Variants in TPM4 observed in about 807,000 individuals in gnomAD.
The protein encoded by TPM4 is tropomyosin 4.
Under a neutral mutation model 35.8 loss-of-function variants are expected in TPM4, and 17 were observed. The observed-to-expected ratio is 0.47, with a 90% CI of 0.32 to 0.71. The LOEUF is 0.71. Ranked by LOEUF, TPM4 falls within the 30% of genes least tolerant of loss-of-function variation. TPM4 has a pLI of 0.03. For synonymous variants in TPM4, 120 were observed against 122.9 expected (o/e 0.98, Z 0.15); for missense variants, 240 against 320.9 (o/e 0.75, Z 1.93).
At chr19:16,095,171 C>A in intron 7 of TPM4, 2 of 825,988 alleles carry the variant, frequency 2.4e-6, no homozygotes, top group Non-Finnish European at 3.0e-6. Flanking sequence ...TTTTTTTCTT[C>A]CTCTTGTGGT....
rs1455910163 is a variant in TPM4 at position 16,070,536 on chromosome 19, T to C, written c.114+2798T>C. ...AAAGGCGAAAGCTCGGAGCTCAGAC[T>C]GGCCATGTTTGAGTCATGGCTCAGT... On this transcript the variant is annotated intron_variant, in intron 2 of 2. Coordinates refer to the TPM4 transcript ENST00000589897. This position sits in a 1 kb window ranked among gnomAD's most constrained non-coding sequence, Gnocchi z 7.4. 2.6e-5 allele frequency among the ~76,000 whole-genome samples: 4 copies of C among 152,126 alleles called. No homozygotes were observed. Among genetic ancestry groups the C allele is most frequent in the Admixed American group, 6.5e-5 (1 of 15,288 alleles).
In TPM4 at chr19:16,070,141, C is replaced by T. The variant is rs1187139968; in HGVS notation, c.114+2403C>T. 4.6e-5 allele frequency among the ~76,000 whole-genome samples: 7 copies of T among 152,054 alleles called. No individual in the cohort carries two copies. Among genetic ancestry groups the T allele is most frequent in the South Asian group, 2.1e-4 (1 of 4,834 alleles). On this transcript the variant is annotated intron_variant, in intron 2 of 2. Transcript: ENST00000589897. This position sits in a 1 kb window ranked among gnomAD's most constrained non-coding sequence, Gnocchi z 7.4. ...GTGTCCCTGCTAAAAGCCTGGAGGC[C>T]GGGGCAGGTGGGCTGCCCGTGGTGG...
intron 2 of TPM4, among the ~76,000 whole-genome samples, chr19:16,071,092 G>T (rs1395443145): frequency 6.6e-6 from 1 of 152,238 alleles, no homozygotes; most frequent in Admixed American, 6.5e-5. Context: ...GTCCCACAAA[G>T]ATGCCCACTG....
In TPM4 at chr19:16,076,620, C is replaced by T; in HGVS notation, c.55C>T (p.Gln19Ter). 6.8e-7 allele frequency: 1 copy of T among 1,463,004 alleles called. No homozygotes were observed. The allele number at this position is 1,463,004 out of a possible 1,614,324, so 90.6% of individuals were successfully genotyped here. ...AVKRKIQALQQQADEAEDRAQ... is the reference protein window; with the variant it reads ...AVKRKIQALQ ...GAAACGCAAGATCCAGGCCCTGCAG[C>T]AGCAGGCGGACGAGGCGGAAGACCG... Residue 19 changes from glutamine to a stop codon, truncating the protein, a stop_gained, in exon 1 of 8, where the codon CAG (glutamine) becomes TAG (stop). Coordinates refer to ENST00000643579, the MANE Select transcript of TPM4 (RefSeq NM_003290.3). LOFTEE classifies it high-confidence loss of function.
In TPM4 at chr19:16,082,047, G is replaced by A; in HGVS notation, c.266+1G>A. 6.6e-7 allele frequency: 1 copy of A among 1,514,472 alleles called. No homozygotes were observed. Among genetic ancestry groups the A allele is most frequent in the Non-Finnish European group, 9.1e-7 (1 of 1,093,348 alleles). The allele number at this position is 1,514,472 out of a possible 1,614,324, so 93.8% of individuals were successfully genotyped here. A position where few individuals can be genotyped will look rare whatever the true frequency, so the allele number is the denominator to read the frequency against. Reference sequence around the variant, plus strand: ...AAAAAGCTGCAGATGAGAGTGAGAGGTAAGGACGCTTTGAATCTGGTGGCA... The same window carrying A: ...AAAAAGCTGCAGATGAGAGTGAGAGATAAGGACGCTTTGAATCTGGTGGCA... On this transcript the variant is annotated splice_donor_variant, in intron 2 of 7. Transcript: ENST00000643579. LOFTEE classifies it high-confidence loss of function.
chr19:16,074,119 C>T (rs1463235615), upstream of TPM4, among the ~76,000 whole-genome samples: 1 of 151,526 alleles, frequency 6.6e-6, no homozygotes, highest in African/African-American at 2.4e-5. Context: ...GGATTCAGAG[C>T]TCAGTCTAGA....
rs2090344283 is a variant in TPM4, at chr19:16,070,303, G to A, written c.114+2565G>A. 6.6e-6 allele frequency among the ~76,000 whole-genome samples: 1 copy of A among 152,166 alleles called. No individual in the cohort carries two copies. The highest frequency in any genetic ancestry group is 2.4e-5 in the African/African-American group (1 of 41,422). ...TCCAAGGCCGTGGCCATGGTTTGGG[G>A]CAGAGCAGACAGGAGCAGTGGGTGG... On this transcript the variant is annotated intron_variant, in intron 2 of 2. Coordinates refer to the TPM4 transcript ENST00000589897. The surrounding 1 kb of genome is among the most constrained non-coding windows in gnomAD (Gnocchi z 7.4).
intron 4 of TPM4, chr19:16,088,703 C>G: frequency 9.3e-7 from 1 of 1,072,918 alleles, no homozygotes; most frequent in Non-Finnish European, 1.1e-6. Context: ...TGCCCGCCTT[C>G]TGCCCTCAGT....
At chr19:16,076,326 T>C, upstream of TPM4, 1 of 1,496,960 alleles carries the variant, frequency 6.7e-7, no homozygotes, top group Non-Finnish European at 8.9e-7. Flanking sequence ...AAGGGGCACT[T>C]TCCAGCAGCT....
At chr19:16,079,382 T>C (rs2090453715) in intron 1 of TPM4, among the ~76,000 whole-genome samples, 1 of 152,222 alleles carries the variant, frequency 6.6e-6, no homozygotes. Flanking sequence ...CAACATCAGT[T>C]CCTGGCCCAG....
At chr19:16,083,757 C>CTTTTTTT (rs573965261) in intron 2 of TPM4, among the ~76,000 whole-genome samples, 4 of 120,660 alleles carry the variant, frequency 3.3e-5, no homozygotes, top group East Asian at 4.9e-4. Flanking sequence ...AGATTCATTT[C>CTTTTTTT]TTTTTTTTTT....
chr19:16,076,234 G>C, upstream of TPM4: 2 of 1,547,164 alleles, frequency 1.3e-6, no homozygotes, highest in Non-Finnish European at 1.7e-6. Context: ...GGGCCGGGAA[G>C]GCGGGGAGAG....
chr19:16,099,904 C>G (rs530728992), intron 7 of TPM4: 1 of 152,216 alleles, frequency 6.6e-6, no homozygotes, highest in South Asian at 2.1e-4. Context: ...TCTCCGTTCT[C>G]CTGGATTCAT....
intron 5 of TPM4, among the ~76,000 whole-genome samples, chr19:16,090,286 A>AT (rs558468300): frequency 0.13 from 16,555 of 126,852 alleles, 1,269 homozygotes; most frequent in African/African-American, 0.22. Context: ...CCAAAACTGT[A>AT]TTTTTTTTTT....
In TPM4 at chr19:16,070,598, G is replaced by A. The variant is rs60665068; in HGVS notation, c.114+2860G>A. On this transcript the variant is annotated intron_variant, in intron 2 of 2. Coordinates refer to the TPM4 transcript ENST00000589897. The surrounding 1 kb of genome is among the most constrained non-coding windows in gnomAD (Gnocchi z 7.4). The stretch of plus-strand genomic sequence containing the variant: ...CCGGACGCCTGCATGAGTGAGATAC[G>A]GAAGTGACAGTAGGGCCTCCCTTGC... Among the ~76,000 whole-genome samples the A allele has an allele frequency of 4.6e-5, 7 of 152,308 alleles. No homozygotes were observed. The East Asian group carries it at 7.7e-4, about 17-fold the overall frequency.
In TPM4 at chr19:16,081,898, C is replaced by A. The variant is rs764079076; in HGVS notation, c.133-15C>A. On this transcript the variant is annotated splice_polypyrimidine_tract_variant and intron_variant, in intron 1 of 7. Transcript: ENST00000643579. ...CTGATACTTCTTAACATGGCTGCAC[C>A]TCCGACCTCCCCAGGCTGAAGGTGA... 4 of 1,580,924 alleles carry A rather than the reference C, an allele frequency of 2.5e-6. No individual in the cohort carries two copies. The highest frequency in any genetic ancestry group is 3.5e-6 in the Non-Finnish European group (4 of 1,155,092).
intron 2 of TPM4, among the ~76,000 whole-genome samples, chr19:16,069,746 G>A (rs1043261044): frequency 1.3e-5 from 2 of 149,378 alleles, no homozygotes; most frequent in East Asian, 3.9e-4. Context: ...TTCTATTGGG[G>A]GGTGTGTGCA....
Position 16,093,256 on chromosome 19 carries a change from C to T in TPM4, c.532-280C>T, listed in dbSNP as rs543848301. On this transcript the variant is annotated intron_variant, in intron 5 of 7. Coordinates refer to ENST00000643579, the MANE Select transcript of TPM4 (RefSeq NM_003290.3). ...TGTCACCCAGGCTGGAGTGCAGTGG[C>T]GTGATCTCGGCTCACTGCAACCTCC... The T allele has an allele frequency of 5.0e-5, 20 of 402,864 alleles. 2 individuals carry two copies. Among genetic ancestry groups the T allele is most frequent in the South Asian group, 3.3e-4 (13 of 38,906 alleles). 25.0% of individuals were successfully genotyped at this position (402,864 alleles called of 1,614,324 possible).
chr19:16,092,696 T>G (rs2090643166), intron 5 of TPM4, among the ~76,000 whole-genome samples: 1 of 151,918 alleles, frequency 6.6e-6, no homozygotes, highest in South Asian at 2.1e-4. Flanking sequence ...CCACCACACC[T>G]GGCTAATTTT....
Sources: allele counts gnomAD v4.1 joint callset (sites outside exome capture counted in the v4.1 genomes callset), GRCh38; gene constraint gnomAD v4.1.1; non-coding constraint Gnocchi (gnomAD v3.1); transcripts MANE v1.5; gene names NCBI Gene and HGNC (gene_info 2026-07-23, HGNC 2026-07-21).